The following RARB variants were observed in gnomAD, a reference collection of about 807,000 sequenced individuals.
RARB encodes retinoic acid receptor beta.
Under a neutral mutation model 51.9 loss-of-function variants are expected in RARB, and 17 were observed. That is an observed-to-expected ratio of 0.33 (90% CI 0.22 to 0.49). The LOEUF (loss-of-function observed/expected upper bound fraction) is 0.49, where lower values mean the gene tolerates loss of function less well. RARB is among the 20% of genes least tolerant of loss of function. The pLI is 0.99. For synonymous variants in RARB, 215 were observed against 195.4 expected (o/e 1.10, Z -0.84); for missense variants, 369 against 550.8 (o/e 0.67, Z 3.30).
At chr3:25,028,597 G>A (rs771111738) in intron 2 of RARB, among the ~76,000 whole-genome samples, 29 of 152,142 alleles carry the variant, frequency 1.9e-4, no homozygotes, top group Non-Finnish European at 2.1e-4. Context: ...TTTAGAAGAG[G>A]GAGAAGGAAT....
At chr3:25,278,750 T>C (rs1406824924) in intron 5 of RARB, among the ~76,000 whole-genome samples, 1 of 152,190 alleles carries the variant, frequency 6.6e-6, no homozygotes, top group African/African-American at 2.4e-5. Context: ...ATGTGAGAAT[T>C]TGGCCTTGTG....
chr3:25,160,360 C>T (rs979397406), intron 4 of RARB, among the ~76,000 whole-genome samples: 2 of 152,214 alleles, frequency 1.3e-5, no homozygotes, highest in African/African-American at 4.8e-5. Flanking sequence ...TACCTCTTGA[C>T]ATTACTTTGA....
chr3:25,335,950 A>G (rs1705049571), intron 5 of RARB, among the ~76,000 whole-genome samples: 2 of 152,174 alleles, frequency 1.3e-5, no homozygotes, highest in Non-Finnish European at 2.9e-5. Context: ...TTATTTGAGT[A>G]TTATCCATCC....
intron 5 of RARB, among the ~76,000 whole-genome samples, chr3:25,175,922 T>C (rs1286139367): frequency 1.3e-5 from 2 of 152,178 alleles, no homozygotes; most frequent in East Asian, 3.9e-4. Context: ...ACTCAAAATA[T>C]CTTGCTGACC....
At chr3:25,027,200 G>A (rs1697767333) in intron 2 of RARB, among the ~76,000 whole-genome samples, 1 of 146,034 alleles carries the variant, frequency 6.8e-6, no homozygotes, top group Admixed American at 7.0e-5. Flanking sequence ...GGATATGGGA[G>A]AAAATAAACA....
chr3:25,212,294 C>T (rs566933591), intron 5 of RARB, among the ~76,000 whole-genome samples: 1 of 152,102 alleles, frequency 6.6e-6, no homozygotes, highest in South Asian at 2.1e-4. Flanking sequence ...ATTTTAACAA[C>T]TTTCTATTTA....
At chr3:24,975,876 C>T (rs969803189) in intron 2 of RARB, among the ~76,000 whole-genome samples, 3 of 152,066 alleles carry the variant, frequency 2.0e-5, no homozygotes, top group Non-Finnish European at 4.4e-5. Context: ...CCCATCAACT[C>T]GTCATTTACA....
chr3:25,134,574 T>A (rs75245788), intron 4 of RARB, among the ~76,000 whole-genome samples: 13,290 of 152,034 alleles, frequency 0.087, 739 homozygotes, highest in Non-Finnish European at 0.13. Context: ...GCTAGGATGA[T>A]AACGTGATAC....
intron 3 of RARB, among the ~76,000 whole-genome samples, chr3:25,069,152 G>C (rs1234624390): frequency 6.6e-6 from 1 of 151,962 alleles, no homozygotes; most frequent in Non-Finnish European, 1.5e-5. Context: ...TAAGGAAGAA[G>C]GAAAGGGAAG....
At chr3:25,584,444 G>A (rs1375830473) in intron 5 of RARB, among the ~76,000 whole-genome samples, 1 of 152,194 alleles carries the variant, frequency 6.6e-6, no homozygotes, top group Non-Finnish European at 1.5e-5. Flanking sequence ...GGTGGCATTT[G>A]AAGAAACCTG....
At chr3:25,162,714 A>G (rs1270485624) in intron 4 of RARB, among the ~76,000 whole-genome samples, 1 of 152,216 alleles carries the variant, frequency 6.6e-6, no homozygotes, top group Non-Finnish European at 1.5e-5. Flanking sequence ...CCTGTAGCAT[A>G]ATGTTTTCAA....
At chr3:24,961,601 C>T (rs1023805400) in intron 2 of RARB, among the ~76,000 whole-genome samples, 26 of 150,438 alleles carry the variant, frequency 1.7e-4, no homozygotes, top group African/African-American at 5.1e-4. Flanking sequence ...ATGAATTCAG[C>T]GAACCTTGCC....
At chr3:25,006,841 A>G (rs1314573986) in intron 2 of RARB, among the ~76,000 whole-genome samples, 1 of 152,152 alleles carries the variant, frequency 6.6e-6, no homozygotes, top group African/African-American at 2.4e-5. Context: ...TATTTGATTT[A>G]TAAATTCACT....
chr3:25,375,416 T>C (rs1390667646), intron 5 of RARB, among the ~76,000 whole-genome samples: 2 of 152,234 alleles, frequency 1.3e-5, no homozygotes, highest in East Asian at 3.8e-4. Flanking sequence ...ACTGTTGTGT[T>C]AATATCAGTG....
intron 3 of RARB, among the ~76,000 whole-genome samples, chr3:25,097,366 C>T (rs74887110): frequency 0.025 from 3,877 of 152,162 alleles, 168 homozygotes; most frequent in African/African-American, 0.089. Flanking sequence ...AAGAAAGTAA[C>T]ATGAAAACAT....
intron 4 of RARB, among the ~76,000 whole-genome samples, chr3:25,169,672 T>C (rs1285763967): frequency 6.6e-6 from 1 of 152,136 alleles, no homozygotes; most frequent in Non-Finnish European, 1.5e-5. Flanking sequence ...TTATATCATA[T>C]TTATAGTAGG....
intron 5 of RARB, among the ~76,000 whole-genome samples, chr3:25,334,400 A>G (rs1302236780): frequency 2.6e-5 from 4 of 152,198 alleles, no homozygotes; most frequent in African/African-American, 9.6e-5. Context: ...GAAGTAGGAA[A>G]CCATCATTCT....
chr3:25,047,800 A>G (rs1698247530), intron 2 of RARB, among the ~76,000 whole-genome samples: 1 of 152,198 alleles, frequency 6.6e-6, no homozygotes, highest in African/African-American at 2.4e-5. Context: ...TGAATTATGC[A>G]GGTGGTTTTG....
At chr3:25,162,859 T>C (rs148703668) in intron 4 of RARB, among the ~76,000 whole-genome samples, 104 of 152,356 alleles carry the variant, frequency 6.8e-4, no homozygotes, top group African/African-American at 2.3e-3. Flanking sequence ...TTATGGATGT[T>C]GTGAATAATG....
Sources: gnomAD v4.1 joint callset for allele counts (sites outside exome capture counted in the v4.1 genomes callset) on GRCh38, gnomAD v4.1.1 for gene constraint, MANE v1.5 for transcripts, NCBI Gene and HGNC (gene_info 2026-07-23, HGNC 2026-07-21) for gene names.